The following REV3L variants were observed in gnomAD, a reference collection of about 807,000 sequenced individuals.
The protein encoded by REV3L is REV3 like, DNA directed polymerase zeta catalytic subunit, also known as DNA polymerase zeta catalytic subunit.
REV3L carries 69 observed loss-of-function variants against 299.4 expected under a neutral mutation model. That is an observed-to-expected ratio of 0.23 (90% CI 0.19 to 0.28). The LOEUF (loss-of-function observed/expected upper bound fraction) is 0.28. REV3L is among the 10% of genes least tolerant of loss of function. The pLI, the probability that REV3L is intolerant of heterozygous loss-of-function variation, is 1.00. For missense variants in REV3L, 3,128 were observed against 3,693.8 expected, an observed-to-expected ratio of 0.85 and a Z score of 3.97; for synonymous variants, 1,238 against 1,271.4, an observed-to-expected ratio of 0.97 and a Z score of 0.56.
At chr6:111,370,366 T>A (rs748936179) in intron 13 of REV3L, among the ~76,000 whole-genome samples, 1 of 152,154 alleles carries the variant, frequency 6.6e-6, no homozygotes, top group Non-Finnish European at 1.5e-5. Flanking sequence ...AATAAAGAGT[T>A]CCATGTGGGT....
At chr6:111,460,339 G>A (rs1447903928) in intron 1 of REV3L, 1 of 151,990 alleles carries the variant, frequency 6.6e-6, no homozygotes, top group African/African-American at 2.4e-5. Flanking sequence ...GACGGGTTCA[G>A]TCGTACTTCA....
intron 1 of REV3L, among the ~76,000 whole-genome samples, chr6:111,468,720 C>T (rs1414029925): frequency 6.8e-6 from 1 of 146,700 alleles, no homozygotes; most frequent in African/African-American, 2.5e-5. Flanking sequence ...TGAAGAAATC[C>T]TTGTAAGATG....
At chr6:111,383,031 G>A (rs1292786525) in intron 9 of REV3L, among the ~76,000 whole-genome samples, 1 of 152,200 alleles carries the variant, frequency 6.6e-6, no homozygotes, top group East Asian at 1.9e-4. Context: ...GAAGGACTCA[G>A]ACCTGGCAGG....
intron 29 of REV3L, 124 bp downstream of exon 29, chr6:111,310,945 C>G: frequency 2.8e-4 from 167 of 588,722 alleles, no homozygotes; most frequent in Non-Finnish European, 4.5e-4. Context: ...TTCAGTGAGG[C>G]TTCATGTGCG....
At chr6:111,468,078 AC>A (rs1199052420) in intron 1 of REV3L, among the ~76,000 whole-genome samples, 1 of 152,214 alleles carries the variant, frequency 6.6e-6, no homozygotes, top group Non-Finnish European at 1.5e-5. Context: ...CCCGGTCAAA[AC>A]GACTGATGTC....
chr6:111,452,083 ATGGC>A, intron 1 of REV3L, among the ~76,000 whole-genome samples: 2 of 152,234 alleles, frequency 1.3e-5, no homozygotes, highest in African/African-American at 4.8e-5. Flanking sequence ...AGATATGTGA[ATGGC>A]AAATATGCAC....
intron 21 of REV3L, among the ~76,000 whole-genome samples, chr6:111,338,764 T>G (rs1488247409): frequency 6.6e-6 from 1 of 152,122 alleles, no homozygotes; most frequent in Admixed American, 6.5e-5. Context: ...TATTAGAACT[T>G]AAATAAATGG....
At chr6:111,369,537 A>G (rs1779572660) in intron 13 of REV3L, among the ~76,000 whole-genome samples, 1 of 152,086 alleles carries the variant, frequency 6.6e-6, no homozygotes, top group Admixed American at 6.6e-5. Context: ...TAGTGGCAAA[A>G]TTGCAAACAA....
chr6:111,466,777 G>T lies in REV3L; in HGVS notation c.139+15973C>A, dbSNP rs905772678. On this transcript the variant is annotated intron_variant, in intron 1 of 31. Transcript: ENST00000368802. ...GAATCACTTGAACCCAGGAGATGGA[G>T]GTTGCAGTGAGCCGAGATCGCACCA... is the stretch of plus-strand genomic sequence containing the variant. Among the ~76,000 whole-genome samples, 4 of 152,344 alleles carry T rather than the reference G, an allele frequency of 2.6e-5. No homozygotes were observed. In the East Asian group the frequency reaches 5.8e-4, roughly 22 times the overall value.
intron 25 of REV3L, among the ~76,000 whole-genome samples, chr6:111,327,467 T>C (rs1012378819): frequency 5.9e-5 from 9 of 152,008 alleles, no homozygotes; most frequent in African/African-American, 1.9e-4. Context: ...GGTGGGAGGA[T>C]TGCTTGAGCC....
chr6:111,322,330 A>T (rs1349949683), intron 26 of REV3L, among the ~76,000 whole-genome samples: 1 of 152,216 alleles, frequency 6.6e-6, no homozygotes, highest in African/African-American at 2.4e-5. Flanking sequence ...TACTTGGCTT[A>T]GAGCTACCTG....
At chr6:111,388,194 G>A (rs998570714) in intron 7 of REV3L, 109 bp from the exon 8 acceptor site, 4 of 683,702 alleles carry the variant, frequency 5.9e-6, no homozygotes, top group South Asian at 1.8e-5. Context: ...TCTTTCTCTA[G>A]ATATACATAA....
intron 25 of REV3L, among the ~76,000 whole-genome samples, chr6:111,328,509 C>T (rs1775064416): frequency 6.6e-6 from 1 of 152,138 alleles, no homozygotes; most frequent in South Asian, 2.1e-4. Context: ...ACAAAGGTGG[C>T]ACTGAAATTT....
chr6:111,479,087 T>C (rs913672451), intron 1 of REV3L, among the ~76,000 whole-genome samples: 1 of 152,142 alleles, frequency 6.6e-6, no homozygotes, highest in Admixed American at 6.5e-5. Context: ...ATGTGGAAAA[T>C]GGACAGCTTC....
chr6:111,373,914 A>T lies in REV3L; in HGVS notation c.4441T>A (p.Leu1481Ile). Residue 1481 changes from leucine (L) to isoleucine (I), a missense_variant, in exon 13 of 32, where the codon TTA (leucine) becomes ATA (isoleucine). Leu to Ile is a conservative substitution (Grantham distance 5). Around this residue, in one of 9 missense-constraint regions of REV3L, gnomAD observed 2,409 missense variants for 2,611.8 expected, o/e 0.92. Coordinates refer to ENST00000368802, the MANE Select transcript of REV3L (RefSeq NM_001372078.1). ...TCAGGTTTAAAATTTGACATATCTAAAATAAAGCCCCTTTGCTTTTGCTCC... is the reference window on the plus strand; with the variant it reads ...TCAGGTTTAAAATTTGACATATCTATAATAAAGCCCCTTTGCTTTTGCTCC... ...AWEQKQRGFI[L>I]DMSNFKPERV... 1 of 1,614,092 alleles carries T rather than the reference A, an allele frequency of 6.2e-7. No individual in the cohort carries two copies. The highest frequency in any genetic ancestry group is 8.5e-7 in the Non-Finnish European group (1 of 1,179,986).
intron 1 of REV3L, 132 bp downstream of exon 1, chr6:111,482,618 G>A (rs1406062368): frequency 9.9e-6 from 4 of 402,242 alleles, no homozygotes; most frequent in Non-Finnish European, 1.4e-5. Context: ...GGAGGGCGGA[G>A]GGGAGGGAAG....
At chr6:111,422,595 C>CAT (rs1785526413) in intron 1 of REV3L, among the ~76,000 whole-genome samples, 1 of 18,574 alleles carries the variant, frequency 5.4e-5, no homozygotes, top group African/African-American at 1.4e-4. Context: ...TATATATATA[C>CAT]ACATATATAT....
rs1051814533 is a variant in REV3L at position 111,307,518 on chromosome 6, G to A, written c.9095C>T (p.Thr3032Ile). ...TAAGGTAGTAAAATATTGTGAAATA[G>A]TGCCTTTCCGCCCTTCAGGTTCACT... ...SRSEPEGRKGTISQYFTTLHC... is the reference protein window; with the variant it reads ...SRSEPEGRKGIISQYFTTLHC... Residue 3032 changes from threonine to isoleucine, a missense_variant, in exon 31 of 32, where the codon ACT becomes ATT. By Grantham distance (89) the Thr-to-Ile change is moderately conservative (BLOSUM62 -1). Around this residue, in one of 9 missense-constraint regions of REV3L, gnomAD observed 294 missense variants for 377.0 expected, o/e 0.78. Transcript: ENST00000368802. 1 of 1,614,106 alleles carries A rather than the reference G, an allele frequency of 6.2e-7. No homozygotes were observed. Among genetic ancestry groups the A allele is most frequent in the African/African-American group, 1.3e-5 (1 of 74,940 alleles).
At chr6:111,419,795 A>C (rs1253829685) in intron 1 of REV3L, among the ~76,000 whole-genome samples, 1 of 152,162 alleles carries the variant, frequency 6.6e-6, no homozygotes, top group Non-Finnish European at 1.5e-5. Context: ...TGTTTTTATA[A>C]AATTAGTGAA....
Sources: gnomAD v4.1 joint callset for allele counts (sites outside exome capture counted in the v4.1 genomes callset) on GRCh38, gnomAD v4.1.1 for gene constraint, gnomAD v4.1.1 regional missense constraint, MANE v1.5 for transcripts, NCBI Gene and HGNC (gene_info 2026-07-23, HGNC 2026-07-21) for gene names.